Variants in PSEN1 observed in about 807,000 individuals in gnomAD.
The protein encoded by PSEN1 is presenilin-1.
Under a neutral mutation model 53.5 loss-of-function variants are expected in PSEN1, and 15 were observed. That is an observed-to-expected ratio of 0.28 (90% CI 0.19 to 0.43). The LOEUF is 0.43. PSEN1 is among the 20% of genes least tolerant of loss of function. PSEN1 has a pLI of 1.00. For missense variants in PSEN1, 387 were observed against 571.2 expected (o/e 0.68, Z 3.29); for synonymous variants, 208 against 209.8 (o/e 0.99, Z 0.08).
chr14:73,199,575 A>G (rs764283892), intron 8 of PSEN1, among the ~76,000 whole-genome samples: 1 of 152,220 alleles, frequency 6.6e-6, no homozygotes, highest in Non-Finnish European at 1.5e-5. Context: ...TACAGAGTGC[A>G]TCCATGAACT....
At chr14:73,193,522 C>G in intron 7 of PSEN1, among the ~76,000 whole-genome samples, 1 of 139,700 alleles carries the variant, frequency 7.2e-6, no homozygotes, top group African/African-American at 2.7e-5. Context: ...TGCACTCTAG[C>G]CTGGGTGACA....
chr14:73,201,093 T>C (rs1395298736), intron 8 of PSEN1, among the ~76,000 whole-genome samples: 1 of 151,886 alleles, frequency 6.6e-6, no homozygotes, highest in East Asian at 1.9e-4. Flanking sequence ...GTTTGTTTGT[T>C]TGTTTGTTTG....
chr14:73,195,259 C>T (rs1898892862), intron 7 of PSEN1, among the ~76,000 whole-genome samples: 1 of 151,742 alleles, frequency 6.6e-6, no homozygotes, highest in South Asian at 2.1e-4. Flanking sequence ...TACAACCTCT[C>T]CCTCCCGGGA....
Position 73,220,192 on chromosome 14 carries a change from C to T in PSEN1, c.*903C>T, listed in dbSNP as rs1362351150. Reference sequence around the variant, plus strand: ...CCTCCTCTGTCCTCATTCTTCTCTCCCACACAAGCAGTCTTTTTCTACAGC... The same window carrying T: ...CCTCCTCTGTCCTCATTCTTCTCTCTCACACAAGCAGTCTTTTTCTACAGC... On this transcript the variant is annotated 3_prime_UTR_variant, in exon 12 of 12. Transcript: ENST00000324501. The T allele has an allele frequency of 6.6e-6, 1 of 152,238 alleles. No individual in the cohort carries two copies. Among genetic ancestry groups the T allele is most frequent in the African/African-American group, 2.4e-5 (1 of 41,438 alleles). The allele number at this position is 152,238 out of a possible 1,614,324, so 9.4% of individuals were successfully genotyped here.
intron 9 of PSEN1, among the ~76,000 whole-genome samples, chr14:73,208,391 A>C (rs1221398546): frequency 6.6e-6 from 1 of 152,170 alleles, no homozygotes; most frequent in Non-Finnish European, 1.5e-5. Context: ...ATCTGCAGGC[A>C]GGTCGTCCCA....
intron 7 of PSEN1, among the ~76,000 whole-genome samples, chr14:73,193,126 A>G (rs566742120): frequency 2.0e-5 from 3 of 152,170 alleles, no homozygotes; most frequent in South Asian, 4.2e-4. Flanking sequence ...CCTGGGCAAC[A>G]TGGCAAAACC....
chr14:73,212,036 A>G lies in PSEN1; in HGVS notation c.1129+94A>G, dbSNP rs181967382. Reference sequence around the variant, plus strand: ...GAATAAAATGAATTGAGAGTGTTACAGTCTAATTCTATATCACATGTAACT... The same window carrying G: ...GAATAAAATGAATTGAGAGTGTTACGGTCTAATTCTATATCACATGTAACT... On this transcript the variant is annotated intron_variant, in intron 10 of 11. Transcript: ENST00000324501. 1.8e-4 allele frequency: 177 copies of G among 969,474 alleles called. No individual in the cohort carries two copies. In the African/African-American group the frequency reaches 2.7e-3, roughly 15 times the overall value. The allele number at this position is 969,474 out of a possible 1,614,324, so 60.1% of individuals were successfully genotyped here.
chr14:73,151,749 G>A (rs1897230226), intron 3 of PSEN1, among the ~76,000 whole-genome samples: 1 of 148,164 alleles, frequency 6.7e-6, no homozygotes, highest in African/African-American at 2.5e-5. Context: ...TTGTATTTTT[G>A]GCAGAAATGA....
intron 1 of PSEN1, among the ~76,000 whole-genome samples, chr14:73,138,819 T>C (rs1896826454): frequency 6.9e-6 from 1 of 144,266 alleles, no homozygotes; most frequent in East Asian, 2.1e-4. Flanking sequence ...AAAAAAAAAT[T>C]AGCCGGGCGT....
chr14:73,138,151 A>G (rs1334585362), intron 1 of PSEN1: 1 of 151,644 alleles, frequency 6.6e-6, no homozygotes, highest in African/African-American at 2.4e-5. Flanking sequence ...GAGAACCACA[A>G]GGTGATTATC....
At chr14:73,154,133 T>C (rs1897296923) in intron 3 of PSEN1, among the ~76,000 whole-genome samples, 1 of 152,240 alleles carries the variant, frequency 6.6e-6, no homozygotes, top group African/African-American at 2.4e-5. Flanking sequence ...ACTGCTTACA[T>C]GCGTGCATGA....
At chr14:73,208,785 AGGT>A (rs1243217924) in intron 9 of PSEN1, 2 of 451,590 alleles carry the variant, frequency 4.4e-6, no homozygotes, top group Non-Finnish European at 8.9e-6. Flanking sequence ...CCCTGACTTG[AGGT>A]GGTGCTTCAC....
intron 3 of PSEN1, among the ~76,000 whole-genome samples, chr14:73,163,016 T>C (rs1293065011): frequency 1.3e-5 from 2 of 152,244 alleles, no homozygotes; most frequent in Admixed American, 1.3e-4. Context: ...ATTGTACTTT[T>C]TTTGAAGAGC....
At chr14:73,161,752 G>T (rs886436259) in intron 3 of PSEN1, among the ~76,000 whole-genome samples, 4 of 152,086 alleles carry the variant, frequency 2.6e-5, no homozygotes, top group Non-Finnish European at 5.9e-5. Context: ...CAGTTCTCTG[G>T]CCCCTTCAGA....
At chr14:73,207,267 TGAGGGG>T (rs1182211574) in intron 9 of PSEN1, among the ~76,000 whole-genome samples, 1 of 151,994 alleles carries the variant, frequency 6.6e-6, no homozygotes, top group Non-Finnish European at 1.5e-5. Context: ...TAGATGGAGT[TGAGGGG>T]GAGCTTTCAT....
At chr14:73,166,717 C>A (rs1039809775) in intron 3 of PSEN1, among the ~76,000 whole-genome samples, 2 of 152,178 alleles carry the variant, frequency 1.3e-5, no homozygotes, top group African/African-American at 4.8e-5. Context: ...TAATCATTTC[C>A]ATTCTACTGG....
chr14:73,184,255 A>AC (rs1214760634), intron 5 of PSEN1, among the ~76,000 whole-genome samples: 1 of 48,616 alleles, frequency 2.1e-5, no homozygotes, highest in South Asian at 8.1e-4. Context: ...CGGGGGGCTG[A>AC]CCCCCCCACC....
intron 7 of PSEN1, among the ~76,000 whole-genome samples, chr14:73,194,937 T>C (rs1160796220): frequency 6.6e-6 from 1 of 152,212 alleles, no homozygotes; most frequent in African/African-American, 2.4e-5. Context: ...GGAAACATCA[T>C]CCTCATTTGA....
chr14:73,180,128 G>A (rs1898166353), intron 5 of PSEN1, among the ~76,000 whole-genome samples: 1 of 151,952 alleles, frequency 6.6e-6, no homozygotes, highest in Admixed American at 6.6e-5. Context: ...GGGATTACTG[G>A]GACACGCCAC....
Sources: allele counts gnomAD v4.1 joint callset (sites outside exome capture counted in the v4.1 genomes callset), GRCh38; gene constraint gnomAD v4.1.1; transcripts MANE v1.5; gene names NCBI Gene and HGNC (gene_info 2026-07-23, HGNC 2026-07-21).